CHD9: variants seen among roughly 807,000 people sequenced by gnomAD.
CHD9 encodes ATP-dependent chromatin remodeler CHD9.
In CHD9, 77 loss-of-function variants were observed where a neutral mutation model predicts 316.1. That is an observed-to-expected ratio of 0.24 (90% CI 0.20 to 0.29). The LOEUF is 0.29. Ranked by LOEUF, CHD9 falls within the 10% of genes least tolerant of loss-of-function variation. The pLI is 1.00. For synonymous variants in CHD9, 1,129 were observed against 1,158.3 expected (o/e 0.97, Z 0.51); for missense variants, 2,763 against 3,438.1 (o/e 0.80, Z 4.91).
chr16:53,133,095 C>T (rs1331136215), intron 1 of CHD9, among the ~76,000 whole-genome samples: 1 of 152,142 alleles, frequency 6.6e-6, no homozygotes, highest in African/African-American at 2.4e-5. Flanking sequence ...GACGTGAAGT[C>T]TGTATTACAG....
At chr16:53,060,080 A>G (rs1355125224) in intron 1 of CHD9, among the ~76,000 whole-genome samples, 1 of 152,198 alleles carries the variant, frequency 6.6e-6, no homozygotes. Context: ...ATGGTGGCTC[A>G]TATCTGTGAT....
chr16:53,181,778 G>A (rs894300374), intron 2 of CHD9, among the ~76,000 whole-genome samples: 1 of 152,076 alleles, frequency 6.6e-6, no homozygotes, highest in African/African-American at 2.4e-5. Flanking sequence ...GAGTATCTCT[G>A]ATTAAAAATG....
At chr16:53,098,453 G>C (rs565811978) in intron 1 of CHD9, among the ~76,000 whole-genome samples, 5 of 145,682 alleles carry the variant, frequency 3.4e-5, no homozygotes, top group Admixed American at 7.0e-5. Flanking sequence ...TCCAGCCTGG[G>C]CAACAGAGTG....
rs1677028823 is a variant in CHD9, at chr16:53,308,924, T to A, written c.7222+70T>A. On this transcript the variant is annotated intron_variant, in intron 34 of 38. Coordinates refer to ENST00000447540, the MANE Select transcript of CHD9 (RefSeq NM_001308319.2). The stretch of plus-strand genomic sequence containing the variant: ...TCATGTCCAAATCTTCTTTTATAGA[T>A]GCTTGTAATAAAAATTTATTTTTCC... 3 of 1,222,080 alleles carry A rather than the reference T, an allele frequency of 2.5e-6. No homozygotes were observed. The African/African-American group carries it at 4.6e-5, about 19-fold the overall frequency. 75.7% of individuals were successfully genotyped at this position (1,222,080 alleles called of 1,614,324 possible). A position where few individuals can be genotyped will look rare whatever the true frequency, so the allele number is the denominator to read the frequency against.
In CHD9 at chr16:53,245,882, T is replaced by C. The variant is rs1211955772; in HGVS notation, c.3454+32T>C. 7.1e-7 allele frequency: 1 copy of C among 1,411,150 alleles called. No homozygotes were observed. The highest frequency in any genetic ancestry group is 9.4e-7 in the Non-Finnish European group (1 of 1,068,282). 87.4% of individuals were successfully genotyped at this position (1,411,150 alleles called of 1,614,324 possible). A position where few individuals can be genotyped will look rare whatever the true frequency, so the allele number is the denominator to read the frequency against. ...AAAAAAGATTACAACAAATATGTTT[T>C]TTCTTGCAACAAATACTAATGAATA... On this transcript the variant is annotated intron_variant, in intron 15 of 38. Coordinates refer to ENST00000447540, the MANE Select transcript of CHD9 (RefSeq NM_001308319.2). This position sits in a 1 kb window ranked among gnomAD's most constrained non-coding sequence, Gnocchi z 4.1.
chr16:53,144,986 C>A (rs1372894509), intron 1 of CHD9, among the ~76,000 whole-genome samples: 2 of 130,964 alleles, frequency 1.5e-5, no homozygotes, highest in Non-Finnish European at 3.2e-5. Context: ...CAAAGCAAGA[C>A]CCTGTCTCAA....
intron 1 of CHD9, among the ~76,000 whole-genome samples, chr16:53,141,489 T>C (rs531445433): frequency 2.0e-5 from 3 of 152,342 alleles, no homozygotes; most frequent in African/African-American, 7.2e-5. Flanking sequence ...CTTTTTTAAG[T>C]GTACAGTTCA....
rs1334752522 is a variant in CHD9, at chr16:53,324,749, A to G, written c.8548A>G (p.Lys2850Glu). Residue 2850 changes from lysine to glutamate, a missense_variant, in exon 39 of 39, where the codon AAA becomes GAA. Physicochemically the swap from Lys to Glu is moderately conservative, Grantham distance 56. This residue lies in a region of CHD9 where 298 missense variants were observed against 380.2 expected (regional missense o/e 0.78). Transcript: ENST00000447540. ...AGTAAAAGAAGAAGATTCCAGAATT[A>G]AAGATCAGGAAGACAAAGGAGGAAC... The part of the protein sequence containing the change: ...VEVKEEDSRI[K>E]DQEDKGGTEP... 6.2e-7 allele frequency: 1 copy of G among 1,613,344 alleles called. No individual in the cohort carries two copies. Among genetic ancestry groups the G allele is most frequent in the East Asian group, 2.2e-5 (1 of 44,868 alleles).
intron 2 of CHD9, among the ~76,000 whole-genome samples, chr16:53,204,346 T>C (rs1006830591): frequency 1.4e-4 from 22 of 152,204 alleles, no homozygotes; most frequent in African/African-American, 5.3e-4. Flanking sequence ...GTTGGTTACA[T>C]GTGAAATTAT....
In CHD9 at chr16:53,304,678, CTTTTCTTTTCTTTTCTTT is replaced by C; in HGVS notation, c.6619+58_6619+75del. 7.8e-6 allele frequency: 9 copies of C among 1,152,418 alleles called. No individual in the cohort carries two copies. The South Asian group carries it at 9.2e-5, about 12-fold the overall frequency. 71.4% of individuals were successfully genotyped at this position (1,152,418 alleles called of 1,614,324 possible). A position where few individuals can be genotyped will look rare whatever the true frequency, so the allele number is the denominator to read the frequency against. ...TTTAACATAACTTTTCTTTTCTTTT[CTTTTCTTTTCTTTTCTTT>C]TTTTTTTTTTTTTTTGAGATGGAGT... On this transcript the variant is annotated intron_variant, in intron 31 of 38. Coordinates refer to ENST00000447540, the MANE Select transcript of CHD9 (RefSeq NM_001308319.2).
intron 37 of CHD9, 174 bp from the exon 38 acceptor site, chr16:53,321,352 A>G: frequency 7.2e-7 from 1 of 1,390,138 alleles, no homozygotes; most frequent in Non-Finnish European, 9.3e-7. Flanking sequence ...TATATATTAC[A>G]TCAGTAGTCC....
chr16:53,303,111 C>T (rs1249215152), intron 30 of CHD9, among the ~76,000 whole-genome samples: 1 of 151,960 alleles, frequency 6.6e-6, no homozygotes, highest in Non-Finnish European at 1.5e-5. Flanking sequence ...ACAAGCTTGT[C>T]CAACCTGTGG....
chr16:53,062,972 A>G (rs1014909186), intron 1 of CHD9, among the ~76,000 whole-genome samples: 4 of 152,182 alleles, frequency 2.6e-5, no homozygotes, highest in Non-Finnish European at 5.9e-5. Context: ...GTGAGCCAAG[A>G]TCGCGCCATT....
intron 1 of CHD9, among the ~76,000 whole-genome samples, chr16:53,079,950 A>C (rs928906117): frequency 3.3e-5 from 5 of 152,172 alleles, no homozygotes; most frequent in Admixed American, 1.3e-4. Flanking sequence ...TGAGCTTTCT[A>C]GCAAATTATT....
chr16:53,269,301 T>C (rs2051995700), intron 22 of CHD9, among the ~76,000 whole-genome samples: 1 of 152,184 alleles, frequency 6.6e-6, no homozygotes, highest in Admixed American at 6.5e-5. Flanking sequence ...TGCCCTTAAA[T>C]TTGTTACAAT....
intron 2 of CHD9, among the ~76,000 whole-genome samples, chr16:53,201,389 A>G (rs2045440779): frequency 6.6e-6 from 1 of 152,160 alleles, no homozygotes; most frequent in Non-Finnish European, 1.5e-5. Flanking sequence ...TTTTTATCAA[A>G]ACCACTTAGT....
chr16:53,149,256 T>C (rs1389544500), intron 1 of CHD9, among the ~76,000 whole-genome samples: 1 of 152,210 alleles, frequency 6.6e-6, no homozygotes, highest in Non-Finnish European at 1.5e-5. Flanking sequence ...TGTCTGTATA[T>C]GTGTGTTAGG....
intron 10 of CHD9, 77 bp downstream of exon 10, chr16:53,231,861 T>C (rs2048203790): frequency 7.7e-7 from 1 of 1,297,892 alleles, no homozygotes; most frequent in African/African-American, 1.5e-5. Context: ...AATAATTATA[T>C]AATGTTTTAC....
intron 1 of CHD9, among the ~76,000 whole-genome samples, chr16:53,154,105 T>C (rs2041330081): frequency 1.3e-5 from 2 of 152,218 alleles, no homozygotes; most frequent in South Asian, 4.1e-4. Context: ...TAAGGGACAA[T>C]ATTGAATTCA....
Sources: allele counts gnomAD v4.1 joint callset (sites outside exome capture counted in the v4.1 genomes callset), GRCh38; gene constraint gnomAD v4.1.1; regional missense constraint gnomAD v4.1.1; non-coding constraint Gnocchi (gnomAD v3.1); transcripts MANE v1.5; gene names NCBI Gene and HGNC (gene_info 2026-07-23, HGNC 2026-07-21).